The following YIPF1 variants were observed in gnomAD, a reference collection of about 807,000 sequenced individuals.
The protein encoded by YIPF1 is protein YIPF1.
In YIPF1, 22 loss-of-function variants were observed where a neutral mutation model predicts 37.0. The observed-to-expected ratio is 0.59, with a 90% CI of 0.42 to 0.85. The LOEUF (loss-of-function observed/expected upper bound fraction) is 0.85. Among genes scored for constraint, YIPF1 ranks in the 40% least tolerant of loss-of-function variants. The pLI, the probability that YIPF1 is intolerant of heterozygous loss-of-function variation, is 0.00. For missense variants in YIPF1, 355 were observed against 373.1 expected, an observed-to-expected ratio of 0.95 and a Z score of 0.40; for synonymous variants, 128 against 131.9, an observed-to-expected ratio of 0.97 and a Z score of 0.21.
chr1:53,855,784 G>A (rs1244073189), intron 10 of YIPF1, among the ~76,000 whole-genome samples: 1 of 152,174 alleles, frequency 6.6e-6, no homozygotes. Flanking sequence ...ACTGCCTAAT[G>A]ACGCATGTCT....
chr1:53,866,384 T>TGAAA lies in YIPF1; in HGVS notation c.649-6_649-3dup. 3 of 1,612,898 alleles carry TGAAA rather than the reference T, an allele frequency of 1.9e-6. No individual in the cohort carries two copies. The highest frequency in any genetic ancestry group is 2.5e-6 in the Non-Finnish European group (3 of 1,179,246). On this transcript the variant is annotated splice_polypyrimidine_tract_variant and splice_region_variant and intron_variant, in intron 8 of 10. Coordinates refer to ENST00000072644, the MANE Select transcript of YIPF1 (RefSeq NM_018982.5). Reference sequence around the variant, plus strand: ...TTTCTGGGGGATAATCCACAGTATCTGAAAGAAGAGAAAAGGAGGAGCGGG... The same window carrying TGAAA: ...TTTCTGGGGGATAATCCACAGTATCTGAAAGAAAGAAGAGAAAAGGAGGAGCGGG...
Position 53,888,976 on chromosome 1 carries a change from T to C in YIPF1, c.-39A>G. 6.3e-7 allele frequency: 1 copy of C among 1,590,132 alleles called. No homozygotes were observed. The highest frequency in any genetic ancestry group is 8.6e-7 in the Non-Finnish European group (1 of 1,160,592). On this transcript the variant is annotated 5_prime_UTR_variant, in exon 3 of 11. Coordinates refer to ENST00000072644, the MANE Select transcript of YIPF1 (RefSeq NM_018982.5). Reference sequence around the variant, plus strand: ...CTTCTCCCAATTATGAGGAAGAAAATTTGCAGGGTTCTAAAAGAAAAAAAT... The same window carrying C: ...CTTCTCCCAATTATGAGGAAGAAAACTTGCAGGGTTCTAAAAGAAAAAAAT...
At chr1:53,871,264 A>T in intron 7 of YIPF1, 108 bp downstream of exon 7, 3 of 902,046 alleles carry the variant, frequency 3.3e-6, no homozygotes, top group Non-Finnish European at 5.3e-6. Flanking sequence ...CCTAAAACAC[A>T]AAAGCAGGGC....
intron 7 of YIPF1, among the ~76,000 whole-genome samples, chr1:53,869,419 C>T (rs1650119262): frequency 2.0e-5 from 3 of 152,098 alleles, no homozygotes; most frequent in Non-Finnish European, 4.4e-5. Flanking sequence ...TATATATTAA[C>T]TCTTTATTCT....
intron 9 of YIPF1, among the ~76,000 whole-genome samples, chr1:53,864,779 A>G (rs143683323): frequency 7.2e-5 from 11 of 152,310 alleles, no homozygotes; most frequent in Non-Finnish European, 1.6e-4. Context: ...CACAGTGTAC[A>G]GAAGACACAA....
At chr1:53,875,938 A>C (rs1650323592) in intron 6 of YIPF1, among the ~76,000 whole-genome samples, 1 of 152,200 alleles carries the variant, frequency 6.6e-6, no homozygotes, top group African/African-American at 2.4e-5. Context: ...TATATATTTT[A>C]CTTTTCTTTG....
At chr1:53,877,105 T>C (rs1227745613) in intron 6 of YIPF1, among the ~76,000 whole-genome samples, 1 of 152,092 alleles carries the variant, frequency 6.6e-6, no homozygotes, top group African/African-American at 2.4e-5. Flanking sequence ...TAAAATAAGG[T>C]GCTAAAAATT....
At chr1:53,870,820 TG>T in intron 7 of YIPF1, among the ~76,000 whole-genome samples, 1 of 151,912 alleles carries the variant, frequency 6.6e-6, no homozygotes, top group Non-Finnish European at 1.5e-5. Context: ...GAGATCAGCC[TG>T]GGCAACACAG....
intron 9 of YIPF1, among the ~76,000 whole-genome samples, chr1:53,865,381 G>T (rs1163752483): frequency 3.9e-5 from 6 of 151,994 alleles, no homozygotes; most frequent in Admixed American, 3.9e-4. Flanking sequence ...TTAAAAATAT[G>T]TAAGTTAAAA....
chr1:53,888,460 C>T (rs1232467884), intron 3 of YIPF1, among the ~76,000 whole-genome samples: 2 of 152,202 alleles, frequency 1.3e-5, no homozygotes, highest in Non-Finnish European at 2.9e-5. Context: ...TGCCCGGTTC[C>T]TGGTCACAAC....
intron 7 of YIPF1, among the ~76,000 whole-genome samples, chr1:53,870,314 G>A (rs1172007517): frequency 6.6e-6 from 1 of 151,448 alleles, no homozygotes; most frequent in African/African-American, 2.4e-5. Context: ...GGGACTACAG[G>A]CATGCACCAC....
At chr1:53,859,131 A>G (rs145016816) in intron 10 of YIPF1, among the ~76,000 whole-genome samples, 1 of 152,172 alleles carries the variant, frequency 6.6e-6, no homozygotes, top group East Asian at 1.9e-4. Flanking sequence ...TGAGTGCCCT[A>G]TGTATACTAG....
intron 6 of YIPF1, among the ~76,000 whole-genome samples, chr1:53,872,699 T>C (rs1372877220): frequency 1.3e-5 from 2 of 152,192 alleles, no homozygotes; most frequent in Admixed American, 6.5e-5. Flanking sequence ...ATTACTGTCA[T>C]AGGTGAGATG....
intron 9 of YIPF1, among the ~76,000 whole-genome samples, chr1:53,861,654 A>G (rs1349520023): frequency 7.4e-6 from 1 of 135,414 alleles, no homozygotes; most frequent in Non-Finnish European, 1.6e-5. Flanking sequence ...GGAAGGAAGG[A>G]AGGGAGGGGG....
chr1:53,880,703 C>A (rs1020692575), intron 4 of YIPF1, among the ~76,000 whole-genome samples: 10 of 152,128 alleles, frequency 6.6e-5, no homozygotes, highest in Admixed American at 5.9e-4. Context: ...GGTACTGGTA[C>A]AAGAACAGAC....
chr1:53,871,126 T>C (rs528339752), intron 7 of YIPF1, among the ~76,000 whole-genome samples: 2 of 152,096 alleles, frequency 1.3e-5, no homozygotes, highest in Admixed American at 6.6e-5. Flanking sequence ...CTTAATGCCA[T>C]TGAATTACAC....
chr1:53,863,691 T>G (rs750773998), intron 9 of YIPF1, among the ~76,000 whole-genome samples: 1 of 152,024 alleles, frequency 6.6e-6, no homozygotes, highest in African/African-American at 2.4e-5. Flanking sequence ...AAGGGAACAA[T>G]AGGCACAGGA....
intron 9 of YIPF1, among the ~76,000 whole-genome samples, chr1:53,861,688 G>GGA (rs1649884492): frequency 7.7e-6 from 1 of 130,576 alleles, no homozygotes; most frequent in Non-Finnish European, 1.7e-5. Context: ...AAGGGAGAGA[G>GGA]AGAGGGAGGG....
At chr1:53,879,889 C>G (rs1378772850) in intron 4 of YIPF1, among the ~76,000 whole-genome samples, 5 of 152,098 alleles carry the variant, frequency 3.3e-5, no homozygotes, top group African/African-American at 1.2e-4. Flanking sequence ...TGAAGAAAAG[C>G]AGGGTGGGGC....
Sources: allele counts gnomAD v4.1 joint callset (sites outside exome capture counted in the v4.1 genomes callset), GRCh38; gene constraint gnomAD v4.1.1; transcripts MANE v1.5; gene names NCBI Gene and HGNC (gene_info 2026-07-23, HGNC 2026-07-21).